Variants in CHD1 observed in about 807,000 individuals in gnomAD.
CHD1 encodes the protein ATP-dependent chromatin remodeler CHD1.
In CHD1, 36 loss-of-function variants were observed where a neutral mutation model predicts 224.2. The observed-to-expected ratio is 0.16, with a 90% CI of 0.12 to 0.21. CHD1 has a LOEUF of 0.21. Ranked by LOEUF, CHD1 falls within the 10% of genes least tolerant of loss-of-function variation. The probability of loss-of-function intolerance (pLI) is 1.00; values close to 1 mark genes in which losing one functional copy is unlikely to be tolerated. For missense variants in CHD1, 1,378 were observed against 1,994.8 expected, an observed-to-expected ratio of 0.69 and a Z score of 5.89; for synonymous variants, 668 against 658.3, an observed-to-expected ratio of 1.01 and a Z score of -0.23.
rs1355188274 is a variant in CHD1, at chr5:98,854,038, TATAC to T, written c.*2338_*2341del. The stretch of plus-strand genomic sequence containing the variant: ...AGTGGAAGGTTAATTGGTACAGTAC[TATAC>T]ATAATCTCTCACCCTTGAAAAATTA... On this transcript the variant is annotated 3_prime_UTR_variant, in exon 36 of 36. Transcript: ENST00000614616. 9 of 152,052 alleles carry T rather than the reference TATAC, an allele frequency of 5.9e-5. No individual in the cohort carries two copies. The highest frequency in any genetic ancestry group is 1.9e-4 in the African/African-American group (8 of 41,448). The allele number at this position is 152,052 out of a possible 1,614,324, so 9.4% of individuals were successfully genotyped here. A position where few individuals can be genotyped will look rare whatever the true frequency, so the allele number is the denominator to read the frequency against.
At chr5:98,882,238 G>T in intron 19 of CHD1, 115 bp from the exon 20 acceptor site, 1 of 762,414 alleles carries the variant, frequency 1.3e-6, no homozygotes, top group Non-Finnish European at 2.0e-6. Flanking sequence ...AGTTTTCACT[G>T]GTTAAAAGCA....
At chr5:98,905,616 T>C (rs928456222) in intron 2 of CHD1, among the ~76,000 whole-genome samples, 1 of 152,190 alleles carries the variant, frequency 6.6e-6, no homozygotes, top group Non-Finnish European at 1.5e-5. Context: ...AGAACATAAT[T>C]TATTATAACC....
At chr5:98,917,301 A>AAAAAAAAAAAAAAC (rs1333196077) in intron 2 of CHD1, among the ~76,000 whole-genome samples, 3 of 149,726 alleles carry the variant, frequency 2.0e-5, no homozygotes, top group East Asian at 1.9e-4. Context: ...CAAAGAAACA[A>AAAAAAAAAAAAAAC]AAAAAAAAAA....
At position 98,876,379 on chromosome 5, in the gene CHD1, T is replaced by C. The variant is rs369286247; in HGVS notation, c.3398+19A>G. ...CTCTACTAAAACCAAGTTGAAGCGATTGTCTTATAACACCTTACCGCCTAA... is the reference window on the plus strand; with the variant it reads ...CTCTACTAAAACCAAGTTGAAGCGACTGTCTTATAACACCTTACCGCCTAA... On this transcript the variant is annotated intron_variant, in intron 24 of 35. Transcript: ENST00000614616. 9.3e-6 allele frequency: 15 copies of C among 1,604,970 alleles called. No individual in the cohort carries two copies. The highest frequency in any genetic ancestry group is 2.7e-5 in the African/African-American group (2 of 74,758).
At chr5:98,896,198 T>C (rs770120788) in intron 12 of CHD1, 28 bp downstream of exon 12, 39 of 1,557,454 alleles carry the variant, frequency 2.5e-5, no homozygotes, top group Non-Finnish European at 3.4e-5. Context: ...TACATTTTGA[T>C]TTCTACATTT....
chr5:98,900,030 C>T (rs1751593211), intron 7 of CHD1, among the ~76,000 whole-genome samples: 1 of 152,088 alleles, frequency 6.6e-6, no homozygotes, highest in Non-Finnish European at 1.5e-5. Flanking sequence ...CGCCTGTAAT[C>T]CCAGCAATTT....
In CHD1 at chr5:98,889,193, C is replaced by T. The variant is rs1407408481; in HGVS notation, c.2226G>A (p.Lys742=). ...RNYKALSKGS[K]GSTSGFLNIM... ...TGTTCAAAAAGCCTGAGGTACTGCC[C>T]TTGGAACCTTTGCTGAGGGCTTTGT... is the stretch of plus-strand genomic sequence containing the variant. The change falls in exon 16 of 36, where the codon AAG becomes AAA. Residue 742 remains lysine, a synonymous_variant. Coordinates refer to ENST00000614616, the MANE Select transcript of CHD1 (RefSeq NM_001270.4). 1.2e-6 allele frequency: 2 copies of T among 1,608,428 alleles called. No homozygotes were observed. Among genetic ancestry groups the T allele is most frequent in the Non-Finnish European group, 1.7e-6 (2 of 1,177,304 alleles).
At chr5:98,868,103 T>A (rs549159511) in intron 31 of CHD1, among the ~76,000 whole-genome samples, 1 of 152,006 alleles carries the variant, frequency 6.6e-6, no homozygotes, top group Non-Finnish European at 1.5e-5. Context: ...CCCAGGCTTA[T>A]CTCCCTTTTA....
chr5:98,867,123 A>C (rs889745853), intron 31 of CHD1, among the ~76,000 whole-genome samples: 5 of 152,198 alleles, frequency 3.3e-5, no homozygotes, highest in Non-Finnish European at 4.4e-5. Flanking sequence ...TAATTACATA[A>C]GTATATAATT....
At chr5:98,885,859 C>T (rs1750615378) in intron 17 of CHD1, 2 of 502,078 alleles carry the variant, frequency 4.0e-6, no homozygotes, top group Non-Finnish European at 7.0e-6. Context: ...AGAGTAAATA[C>T]AGCATAGGCT....
At chr5:98,869,603 T>A (rs915545487) in intron 30 of CHD1, 151 bp downstream of exon 30, 1 of 737,876 alleles carries the variant, frequency 1.4e-6, no homozygotes, top group East Asian at 2.8e-5. Context: ...GAACTATAAG[T>A]GCGTGCGCAC....
At chr5:98,908,941 T>G (rs1260675478) in intron 2 of CHD1, among the ~76,000 whole-genome samples, 1 of 152,162 alleles carries the variant, frequency 6.6e-6, no homozygotes, top group African/African-American at 2.4e-5. Flanking sequence ...GATAAAATAG[T>G]AATTCAAATT....
intron 2 of CHD1, among the ~76,000 whole-genome samples, chr5:98,919,153 T>C (rs1752933879): frequency 6.6e-6 from 1 of 152,224 alleles, no homozygotes; most frequent in Non-Finnish European, 1.5e-5. Flanking sequence ...GGGAATCTTA[T>C]TAAAATGGAA....
Position 98,904,939 on chromosome 5 carries a change from T to C in CHD1, c.213A>G (p.Glu71=), listed in dbSNP as rs780200337. 3 of 1,613,978 alleles carry C rather than the reference T, an allele frequency of 1.9e-6. No homozygotes were observed. Among genetic ancestry groups the C allele is most frequent in the South Asian group, 2.2e-5 (2 of 91,076 alleles). ...QSESESDTSR[E]NKVQAKPPKV... is the part of the protein sequence containing the mutation. ...TCGGTGGTTTTGCTTGAACTTTGTT[T>C]TCTCGGGAAGTGTCTGACTCAGACT... Residue 71 remains glutamate (E), a synonymous_variant, in exon 3 of 36, where the codon GAA becomes GAG. Coordinates refer to ENST00000614616, the MANE Select transcript of CHD1 (RefSeq NM_001270.4).
intron 2 of CHD1, among the ~76,000 whole-genome samples, chr5:98,924,166 GC>G (rs1292353313): frequency 6.6e-6 from 1 of 152,130 alleles, no homozygotes; most frequent in Non-Finnish European, 1.5e-5. Context: ...AATCGTTTGA[GC>G]CCAGGAGGTG....
intron 35 of CHD1, 118 bp downstream of exon 35, chr5:98,858,062 C>A: frequency 1.4e-6 from 1 of 722,054 alleles, no homozygotes. Flanking sequence ...ACCTTTATTT[C>A]ACAAGATTTG....
chr5:98,857,560 A>C (rs1748133168), intron 35 of CHD1, among the ~76,000 whole-genome samples: 1 of 152,092 alleles, frequency 6.6e-6, no homozygotes, highest in Admixed American at 6.5e-5. Flanking sequence ...AAATACTATA[A>C]ATCTCAGTTT....
At chr5:98,888,982 C>A in intron 16 of CHD1, 94 bp downstream of exon 16, 1 of 734,546 alleles carries the variant, frequency 1.4e-6, no homozygotes, top group Non-Finnish European at 2.1e-6. Context: ...GAACTTTTAT[C>A]CAATAAGTTA....
In CHD1 at chr5:98,872,312, CTTT is replaced by C. The variant is rs1018912981; in HGVS notation, c.3710+102_3710+104del. ...TCAAAATAATATGCTTTATTTCTTC[CTTT>C]TTTTTTTCAAAACTAGCCAATAACA... On this transcript the variant is annotated intron_variant, in intron 27 of 35. Coordinates refer to ENST00000614616, the MANE Select transcript of CHD1 (RefSeq NM_001270.4). 27 of 1,292,622 alleles carry C rather than the reference CTTT, an allele frequency of 2.1e-5. 1 individual carries two copies. The highest frequency in any genetic ancestry group is 4.0e-4 in the Middle Eastern group (2 of 5,006). 80.1% of individuals were successfully genotyped at this position (1,292,622 alleles called of 1,614,324 possible).
Sources: gnomAD v4.1 joint callset for allele counts (sites outside exome capture counted in the v4.1 genomes callset) on GRCh38, gnomAD v4.1.1 for gene constraint, MANE v1.5 for transcripts, NCBI Gene and HGNC (gene_info 2026-07-23, HGNC 2026-07-21) for gene names.